KCNC1: variants seen among roughly 807,000 people sequenced by gnomAD.
KCNC1 encodes the protein voltage-gated potassium channel KCNC1.
In KCNC1, 8 loss-of-function variants were observed where a neutral mutation model predicts 43.4. The ratio of observed to expected loss-of-function variants is 0.18; its 90% confidence interval spans 0.11 to 0.33. The LOEUF is 0.33. KCNC1 is among the 10% of genes least tolerant of loss of function. KCNC1 has a pLI of 1.00. For missense variants in KCNC1, 420 were observed against 836.0 expected (o/e 0.50, Z 6.14); for synonymous variants, 361 against 360.5 (o/e 1.00, Z -0.01).
At chr11:17,738,484 A>G (rs1436626998) in intron 1 of KCNC1, among the ~76,000 whole-genome samples, 1 of 152,182 alleles carries the variant, frequency 6.6e-6, no homozygotes, top group African/African-American at 2.4e-5. Context: ...GGGTAGGCTC[A>G]GTCTCCTGAC....
At position 17,771,868 on chromosome 11, in the gene KCNC1, C is replaced by G; in HGVS notation, c.774C>G (p.Phe258Leu). The change falls in exon 2 of 4, where the codon TTC (phenylalanine) becomes TTG (leucine). Residue 258 changes from phenylalanine to leucine, a missense_variant. By Grantham distance (22) the Phe-to-Leu change is conservative (BLOSUM62 0). This residue lies in a region of KCNC1 where 151 missense variants were observed against 216.7 expected (regional missense o/e 0.70). Coordinates refer to ENST00000265969, the MANE Select transcript of KCNC1 (RefSeq NM_001112741.2). The surrounding 1 kb of genome is among the most constrained non-coding windows in gnomAD (Gnocchi z 4.7). ...IEGVCVVWFT[F>L]EFLMRVIFCP... The stretch of plus-strand genomic sequence containing the variant: ...GCGTCTGTGTGGTCTGGTTCACCTT[C>G]GAGTTCCTCATGCGTGTCATCTTCT... The G allele has an allele frequency of 1.2e-6, 2 of 1,614,184 alleles. No homozygotes were observed. Among genetic ancestry groups the G allele is most frequent in the East Asian group, 4.5e-5 (2 of 44,882 alleles).
At position 17,773,568 on chromosome 11, in the gene KCNC1, G is replaced by A; in HGVS notation, c.1504+970G>A. 1.0e-6 allele frequency: 1 copy of A among 985,058 alleles called. No individual in the cohort carries two copies. Among genetic ancestry groups the A allele is most frequent in the Non-Finnish European group, 1.2e-6 (1 of 829,874 alleles). 61.0% of individuals were successfully genotyped at this position (985,058 alleles called of 1,614,324 possible). On this transcript the variant is annotated intron_variant, in intron 2 of 3. Transcript: ENST00000265969. This position sits in a 1 kb window ranked among gnomAD's most constrained non-coding sequence, Gnocchi z 4.1. ...TGAATTCACTGGGGGCCGGGAGGGG[G>A]GAGGGGGGCATGAAACAATACTAGT...
intron 1 of KCNC1, among the ~76,000 whole-genome samples, chr11:17,759,975 T>A (rs1849059963): frequency 6.6e-6 from 1 of 152,094 alleles, no homozygotes; most frequent in Non-Finnish European, 1.5e-5. Flanking sequence ...CAAAACGCAG[T>A]CGAACGAGGC....
intron 1 of KCNC1, among the ~76,000 whole-genome samples, chr11:17,763,365 T>TA (rs2133797347): frequency 6.6e-6 from 1 of 151,898 alleles, no homozygotes; most frequent in South Asian, 2.1e-4. Context: ...ATCTCTGGCA[T>TA]AGAAAATGGT....
At chr11:17,746,509 C>T (rs1353318911) in intron 1 of KCNC1, among the ~76,000 whole-genome samples, 1 of 152,150 alleles carries the variant, frequency 6.6e-6, no homozygotes, top group East Asian at 1.9e-4. Context: ...TCCTACCTCT[C>T]CTTCCCCATC....
At chr11:17,743,882 A>G (rs1848869668) in intron 1 of KCNC1, among the ~76,000 whole-genome samples, 1 of 152,098 alleles carries the variant, frequency 6.6e-6, no homozygotes, top group Admixed American at 6.5e-5. Flanking sequence ...GCCCTCGCTG[A>G]CGTCATGTTT....
rs1021551048 is a variant in KCNC1 at position 17,779,576 on chromosome 11, G to T, written c.1625G>T (p.Arg542Ile). 10 of 1,551,592 alleles carry T rather than the reference G, an allele frequency of 6.4e-6. No individual in the cohort carries two copies. Among genetic ancestry groups the T allele is most frequent in the Non-Finnish European group, 8.7e-6 (10 of 1,146,980 alleles). The stretch of plus-strand genomic sequence containing the variant: ...TTTACGCGCTCGGGCACCCGCGAGA[G>T]ATACGGACCCTGCTTCCTCTTATCA... ...LPFTRSGTRE[R>I]YGPCFLLSTG... The change falls in exon 3 of 4, where the codon AGA becomes ATA. Residue 542 changes from arginine (R) to isoleucine (I), a missense_variant. Coordinates refer to ENST00000265969, the MANE Select transcript of KCNC1 (RefSeq NM_001112741.2). This position sits in a 1 kb window ranked among gnomAD's most constrained non-coding sequence, Gnocchi z 7.2.
At chr11:17,774,793 C>T (rs1006630259) in intron 2 of KCNC1, 12 of 985,466 alleles carry the variant, frequency 1.2e-5, no homozygotes, top group African/African-American at 5.2e-5. Flanking sequence ...CTGCCTCCCC[C>T]GTCACCAACT....
intron 1 of KCNC1, among the ~76,000 whole-genome samples, chr11:17,766,492 C>G (rs888199094): frequency 1.3e-5 from 2 of 152,186 alleles, no homozygotes; most frequent in Admixed American, 1.3e-4. Context: ...CCGGGGATGA[C>G]AGCCCAGGGT....
intron 1 of KCNC1, among the ~76,000 whole-genome samples, chr11:17,767,967 AG>A (rs1255243348): frequency 2.0e-5 from 3 of 152,214 alleles, no homozygotes; most frequent in African/African-American, 7.2e-5. Context: ...TTTTCCAATC[AG>A]GATCTGAACT....
At chr11:17,743,544 C>CA (rs1848864732) in intron 1 of KCNC1, among the ~76,000 whole-genome samples, 2 of 152,234 alleles carry the variant, frequency 1.3e-5, no homozygotes, top group African/African-American at 4.8e-5. Flanking sequence ...ATTGTCCCCC[C>CA]ACTCCCATCC....
rs1463906563 is a variant in KCNC1, at chr11:17,742,383, G to A, written c.570+5811G>A. Among the ~76,000 whole-genome samples, 1 of 152,174 alleles carries A rather than the reference G, an allele frequency of 6.6e-6. No homozygotes were observed. The highest frequency in any genetic ancestry group is 1.5e-5 in the Non-Finnish European group (1 of 68,020). ...TTCCAGGGTCCACTGCCTGGGCTGA[G>A]GATCTCAAGGCCTCCACGACAGCTG... is the stretch of plus-strand genomic sequence containing the variant. On this transcript the variant is annotated intron_variant, in intron 1 of 3. Coordinates refer to ENST00000265969, the MANE Select transcript of KCNC1 (RefSeq NM_001112741.2). This position sits in a 1 kb window ranked among gnomAD's most constrained non-coding sequence, Gnocchi z 4.2.
intron 1 of KCNC1, among the ~76,000 whole-genome samples, chr11:17,744,536 G>T (rs1396967543): frequency 6.6e-6 from 1 of 152,144 alleles, no homozygotes; most frequent in Non-Finnish European, 1.5e-5. Context: ...ACCTCTTTTG[G>T]GGGTGCTTGC....
At chr11:17,743,008 C>G (rs967388069) in intron 1 of KCNC1, among the ~76,000 whole-genome samples, 2 of 152,206 alleles carry the variant, frequency 1.3e-5, no homozygotes, top group African/African-American at 4.8e-5. Context: ...AGACTTGACC[C>G]AAATCCTTAG....
intron 1 of KCNC1, among the ~76,000 whole-genome samples, chr11:17,749,381 T>A (rs2133786620): frequency 6.6e-6 from 1 of 152,328 alleles, no homozygotes; most frequent in African/African-American, 2.4e-5. Flanking sequence ...AATATGAATC[T>A]AATACCTGAC....
Position 17,776,079 on chromosome 11 carries a change from T to C in KCNC1, c.1505-3377T>C. ...TGCAGGGTCAGCAGCCTGTGGGCCC[T>C]GAGTGGGGTCTTTGTTGTCCTCAGG... On this transcript the variant is annotated intron_variant, in intron 2 of 3. Transcript: ENST00000265969. This position sits in a 1 kb window ranked among gnomAD's most constrained non-coding sequence, Gnocchi z 4.4. 1 of 985,418 alleles carries C rather than the reference T, an allele frequency of 1.0e-6. No individual in the cohort carries two copies. Among genetic ancestry groups the C allele is most frequent in the South Asian group, 4.7e-5 (1 of 21,278 alleles). The allele number at this position is 985,418 out of a possible 1,614,324, so 61.0% of individuals were successfully genotyped here. A position where few individuals can be genotyped will look rare whatever the true frequency, so the allele number is the denominator to read the frequency against.
chr11:17,771,963 A>C lies in KCNC1; in HGVS notation c.869A>C (p.Tyr290Ser), dbSNP rs8192535. 1 of 1,614,142 alleles carries C rather than the reference A, an allele frequency of 6.2e-7. No homozygotes were observed. The highest frequency in any genetic ancestry group is 8.5e-7 in the Non-Finnish European group (1 of 1,180,028). Residue 290 changes from tyrosine to serine, a missense_variant, in exon 2 of 4, where the codon TAC becomes TCC. This residue lies in a region of KCNC1 where 58 missense variants were observed against 256.9 expected (regional missense o/e 0.23). Transcript: ENST00000265969. This position sits in a 1 kb window ranked among gnomAD's most constrained non-coding sequence, Gnocchi z 4.7. ...GACTTTGTGGCCATCCTGCCCTTCT[A>C]CCTGGAGGTGGGGCTGAGCGGCCTG... Reference protein sequence around the residue: ...IIDFVAILPFYLEVGLSGLSS... With the variant: ...IIDFVAILPFSLEVGLSGLSS...
In KCNC1 at chr11:17,739,963, G is replaced by C. The variant is rs1848819904; in HGVS notation, c.570+3391G>C. Among the ~76,000 whole-genome samples, 1 of 152,170 alleles carries C rather than the reference G, an allele frequency of 6.6e-6. No homozygotes were observed. The highest frequency in any genetic ancestry group is 2.1e-4 in the South Asian group (1 of 4,828). On this transcript the variant is annotated intron_variant, in intron 1 of 3. Transcript: ENST00000265969. The surrounding 1 kb of genome is among the most constrained non-coding windows in gnomAD (Gnocchi z 4.2). The stretch of plus-strand genomic sequence containing the variant: ...TCCTGCCCACTGCCTCAGTCTCTGG[G>C]ACTCCGGAGTGGCCTAACTGAGGGC...
At chr11:17,775,281 T>TGCCCCCCCCC in intron 2 of KCNC1, 4 of 935,844 alleles carry the variant, frequency 4.3e-6, no homozygotes, top group Non-Finnish European at 5.1e-6. Context: ...TCTGAGGGCA[T>TGCCCCCCCCC]CCCTCCCGCC....
Sources: allele counts gnomAD v4.1 joint callset (sites outside exome capture counted in the v4.1 genomes callset), GRCh38; gene constraint gnomAD v4.1.1; regional missense constraint gnomAD v4.1.1; non-coding constraint Gnocchi (gnomAD v3.1); transcripts MANE v1.5; gene names NCBI Gene and HGNC (gene_info 2026-07-23, HGNC 2026-07-21).